The following PHKB variants were observed in gnomAD, a reference collection of about 807,000 sequenced individuals.
PHKB encodes phosphorylase kinase regulatory subunit beta.
PHKB carries 122 observed loss-of-function variants against 152.1 expected under a neutral mutation model. The ratio of observed to expected loss-of-function variants is 0.80; its 90% CI spans 0.69 to 0.93. The LOEUF is 0.93. PHKB is among the 40% of genes least tolerant of loss of function. The probability of loss-of-function intolerance (pLI) is 0.00; values close to 1 mark genes in which losing one functional copy is unlikely to be tolerated. For synonymous variants in PHKB, 436 were observed against 464.9 expected (o/e 0.94, Z 0.80); for missense variants, 1,304 against 1,328.4 (o/e 0.98, Z 0.29).
chr16:47,500,571 G>C (rs1476007805), intron 3 of PHKB, among the ~76,000 whole-genome samples: 2 of 152,048 alleles, frequency 1.3e-5, no homozygotes, highest in Admixed American at 1.3e-4. Flanking sequence ...TGTTCAAAAT[G>C]ATGCAACTCA....
chr16:47,664,522 A>G, intron 24 of PHKB: 1 of 238,302 alleles, frequency 4.2e-6, no homozygotes, highest in Non-Finnish European at 8.3e-6. Flanking sequence ...AAACAAAACA[A>G]TCCCTTAGAA....
intron 20 of PHKB, among the ~76,000 whole-genome samples, chr16:47,656,650 C>T (rs1973344484): frequency 6.6e-6 from 1 of 152,158 alleles, no homozygotes; most frequent in African/African-American, 2.4e-5. Flanking sequence ...TCTTGCAAAA[C>T]TCAAACTCTA....
At chr16:47,596,253 A>G in intron 12 of PHKB, 120 bp from the exon 13 acceptor site, 1 of 699,912 alleles carries the variant, frequency 1.4e-6, no homozygotes, top group Middle Eastern at 3.8e-4. Flanking sequence ...TGGAACTGTG[A>G]GGCCATTAAA....
chr16:47,674,715 T>C (rs1005945464), intron 26 of PHKB, among the ~76,000 whole-genome samples: 2 of 152,216 alleles, frequency 1.3e-5, no homozygotes, highest in Non-Finnish European at 2.9e-5. Context: ...AGGGTAGATG[T>C]CATTGTTCGA....
chr16:47,644,475 A>G (rs1038042344), intron 16 of PHKB, among the ~76,000 whole-genome samples: 1 of 152,204 alleles, frequency 6.6e-6, no homozygotes, highest in African/African-American at 2.4e-5. Flanking sequence ...CAACTCTCAC[A>G]TAGATGTGTG....
chr16:47,698,173 A>C (rs1974183714), intron 29 of PHKB, among the ~76,000 whole-genome samples: 1 of 152,226 alleles, frequency 6.6e-6, no homozygotes, highest in Non-Finnish European at 1.5e-5. Flanking sequence ...TATTATGTAC[A>C]TGATGGGTTA....
At chr16:47,693,604 G>A (rs1974100960) in intron 28 of PHKB, 97 bp downstream of exon 28, 17 of 1,256,286 alleles carry the variant, frequency 1.4e-5, no homozygotes, top group Middle Eastern at 2.6e-4. Context: ...CCTTTTCAGC[G>A]TTCTAAGAGT....
chr16:47,474,122 CTT>C (rs1402532022), intron 1 of PHKB, among the ~76,000 whole-genome samples: 1 of 149,570 alleles, frequency 6.7e-6, no homozygotes, highest in Admixed American at 6.7e-5. Flanking sequence ...CATATAAAAT[CTT>C]TTAAAGTTCT....
intron 14 of PHKB, among the ~76,000 whole-genome samples, chr16:47,617,918 C>T (rs1325065539): frequency 6.6e-6 from 1 of 152,212 alleles, no homozygotes; most frequent in East Asian, 1.9e-4. Flanking sequence ...TCATCCCAGC[C>T]AGCTTGTTCT....
At chr16:47,475,641 C>T (rs1470111773) in intron 1 of PHKB, among the ~76,000 whole-genome samples, 4 of 152,018 alleles carry the variant, frequency 2.6e-5, no homozygotes, top group African/African-American at 9.7e-5. Context: ...AGAACCATGC[C>T]CCATTTGGTG....
intron 8 of PHKB, among the ~76,000 whole-genome samples, chr16:47,580,707 G>C (rs1971829780): frequency 6.6e-6 from 1 of 151,668 alleles, no homozygotes; most frequent in Non-Finnish European, 1.5e-5. Context: ...TTTTATGTCA[G>C]TTTTCATGTT....
chr16:47,571,850 G>A lies in PHKB; in HGVS notation c.711-8445G>A, dbSNP rs2151688080. Among the ~76,000 whole-genome samples the A allele has an allele frequency of 2.0e-5, 3 of 152,272 alleles. No individual in the cohort carries two copies. The South Asian group carries it at 6.2e-4, about 32-fold the overall frequency. ...AACTTCCCATAGGCAGGAAGTTGTGGTACTCAAGGTTCATACTTTGGTTTC... is the reference window on the plus strand; with the variant it reads ...AACTTCCCATAGGCAGGAAGTTGTGATACTCAAGGTTCATACTTTGGTTTC... On this transcript the variant is annotated intron_variant, in intron 7 of 30. Transcript: ENST00000323584.
chr16:47,580,323 G>A lies in PHKB; in HGVS notation c.739G>A (p.Glu247Lys), dbSNP rs1204830713. 6.2e-7 allele frequency: 1 copy of A among 1,612,860 alleles called. No homozygotes were observed. The highest frequency in any genetic ancestry group is 8.5e-7 in the Non-Finnish European group (1 of 1,179,266). ...GGTTGGTTTAGCAAAAGCAGCTCTA[G>A]AAGCAATTAATGGATTCAACCTTTT... ...SSVGLAKAAL[E>K]AINGFNLFGN... The change falls in exon 8 of 31, where the codon GAA (glutamate) becomes AAA (lysine). Residue 247 changes from glutamate (E) to lysine (K), a missense_variant. Transcript: ENST00000323584.
intron 14 of PHKB, among the ~76,000 whole-genome samples, chr16:47,627,851 A>G (rs1972738308): frequency 6.6e-6 from 1 of 152,236 alleles, no homozygotes; most frequent in African/African-American, 2.4e-5. Context: ...CTGTGTTCAA[A>G]CTACTGTAGC....
intron 3 of PHKB, among the ~76,000 whole-genome samples, chr16:47,501,497 A>G (rs1212314768): frequency 6.6e-6 from 1 of 152,156 alleles, no homozygotes; most frequent in Non-Finnish European, 1.5e-5. Flanking sequence ...TCAGTATTAA[A>G]TTTCTTAGGT....
intron 20 of PHKB, among the ~76,000 whole-genome samples, chr16:47,658,809 AGTGT>A (rs36066227): frequency 0.01 from 1,463 of 140,790 alleles, 23 homozygotes; most frequent in African/African-American, 0.03. Flanking sequence ...AATGCATGAC[AGTGT>A]GTGTGTGTGT....
chr16:47,679,348 A>G (rs995631673), intron 26 of PHKB, among the ~76,000 whole-genome samples: 15 of 152,178 alleles, frequency 9.9e-5, no homozygotes, highest in Non-Finnish European at 2.1e-4. Context: ...TGAATCTATA[A>G]ATTACCTTGG....
chr16:47,629,973 A>G (rs956154260), intron 14 of PHKB, among the ~76,000 whole-genome samples: 7 of 149,212 alleles, frequency 4.7e-5, no homozygotes, highest in Non-Finnish European at 8.9e-5. Context: ...GAACTGAACA[A>G]TGAGAACACA....
At chr16:47,631,212 C>T (rs542657151) in intron 14 of PHKB, among the ~76,000 whole-genome samples, 1 of 152,266 alleles carries the variant, frequency 6.6e-6, no homozygotes, top group South Asian at 2.1e-4. Context: ...CTGTGAAATA[C>T]GTACTGTGAC....
Sources: allele counts gnomAD v4.1 joint callset (sites outside exome capture counted in the v4.1 genomes callset), GRCh38; gene constraint gnomAD v4.1.1; transcripts MANE v1.5; gene names NCBI Gene and HGNC (gene_info 2026-07-23, HGNC 2026-07-21).